GNAI1: variants seen among roughly 807,000 people sequenced by gnomAD.
GNAI1 encodes the protein guanine nucleotide-binding protein G(i) subunit alpha-1.
In GNAI1, 11 loss-of-function variants were observed where a neutral mutation model predicts 38.9. That is an observed-to-expected ratio of 0.28 (90% CI 0.18 to 0.47). The LOEUF is 0.47. Among genes scored for constraint, GNAI1 ranks in the 20% least tolerant of loss-of-function variants. The pLI is 0.99. For missense variants in GNAI1, 317 were observed against 436.9 expected (o/e 0.73, Z 2.45); for synonymous variants, 166 against 145.1 (o/e 1.14, Z -1.04).
intron 1 of GNAI1, among the ~76,000 whole-genome samples, chr7:80,154,181 C>T (rs1011033683): frequency 1.3e-4 from 20 of 152,168 alleles, no homozygotes; most frequent in Admixed American, 6.5e-5. Context: ...CCTTGGCCTT[C>T]CAAAGTGCTG....
chr7:80,210,192 T>A (rs1203672786), intron 5 of GNAI1, among the ~76,000 whole-genome samples: 1 of 152,206 alleles, frequency 6.6e-6, no homozygotes, highest in African/African-American at 2.4e-5. Flanking sequence ...TTTGCTTAAC[T>A]TTATAAAGTC....
At chr7:80,142,312 T>C (rs184344175) in intron 1 of GNAI1, among the ~76,000 whole-genome samples, 5 of 152,346 alleles carry the variant, frequency 3.3e-5, no homozygotes, top group Non-Finnish European at 5.9e-5. Flanking sequence ...TTTATGTGAC[T>C]ATCATGGTAA....
intron 3 of GNAI1, among the ~76,000 whole-genome samples, chr7:80,194,584 AT>A (rs1469723657): frequency 1.3e-5 from 2 of 152,098 alleles, no homozygotes; most frequent in Non-Finnish European, 2.9e-5. Flanking sequence ...GAATTTTAAC[AT>A]TTGTTTCTGT....
At chr7:80,153,663 C>G (rs1463464983) in intron 1 of GNAI1, among the ~76,000 whole-genome samples, 1 of 152,068 alleles carries the variant, frequency 6.6e-6, no homozygotes, top group Admixed American at 6.6e-5. Flanking sequence ...CCCTAAAATA[C>G]TTTTTTCCTG....
At chr7:80,151,346 T>A (rs745793647) in intron 1 of GNAI1, among the ~76,000 whole-genome samples, 1 of 151,898 alleles carries the variant, frequency 6.6e-6, no homozygotes, top group African/African-American at 2.4e-5. Flanking sequence ...TACAAAACTA[T>A]GAAAACATAT....
intron 1 of GNAI1, among the ~76,000 whole-genome samples, chr7:80,173,098 CA>C (rs1788124179): frequency 6.6e-6 from 1 of 152,050 alleles, no homozygotes; most frequent in African/African-American, 2.4e-5. Context: ...GTACTGGTAC[CA>C]CTTCTGGATT....
intron 1 of GNAI1, among the ~76,000 whole-genome samples, chr7:80,153,383 T>G (rs912278583): frequency 2.0e-5 from 3 of 152,198 alleles, no homozygotes; most frequent in Admixed American, 2.0e-4. Flanking sequence ...CTAATAACTT[T>G]TAAAGTATGT....
chr7:80,179,234 T>G (rs1186318801), intron 1 of GNAI1, among the ~76,000 whole-genome samples: 1 of 152,204 alleles, frequency 6.6e-6, no homozygotes, highest in East Asian at 1.9e-4. Flanking sequence ...TTTTTCTTCT[T>G]TTTCTTCTTA....
intron 5 of GNAI1, among the ~76,000 whole-genome samples, chr7:80,207,079 A>G (rs1031255423): frequency 6.6e-6 from 1 of 152,090 alleles, no homozygotes; most frequent in Non-Finnish European, 1.5e-5. Flanking sequence ...GGTTCCCCTA[A>G]TAAGTAGTTG....
intron 1 of GNAI1, among the ~76,000 whole-genome samples, chr7:80,156,116 C>T (rs905953479): frequency 5.9e-5 from 9 of 151,510 alleles, no homozygotes; most frequent in African/African-American, 1.9e-4. Flanking sequence ...CTCTCTTCCT[C>T]GTGAAATTCA....
intron 1 of GNAI1, among the ~76,000 whole-genome samples, chr7:80,151,016 C>A (rs1287939818): frequency 6.6e-6 from 1 of 152,178 alleles, no homozygotes; most frequent in Non-Finnish European, 1.5e-5. Context: ...TGTTTATTTA[C>A]AGAATATTGT....
rs188567984 is a variant in GNAI1, at chr7:80,164,078, C to T, written c.119-24873C>T. Among the ~76,000 whole-genome samples the T allele has an allele frequency of 5.3e-3, 646 of 121,886 alleles. 6 individuals carry two copies. The highest frequency in any genetic ancestry group is 0.019 in the African/African-American group (618 of 32,074). 80.0% of individuals were successfully genotyped at this position (121,886 alleles called of 152,430 possible). ...TTTTTTTTGTGGGGACTGAGTCTCT[C>T]TCTGTCACCAGGCTGGAGTGCAGTG... On this transcript the variant is annotated intron_variant, in intron 1 of 7. Transcript: ENST00000649796.
At chr7:80,151,949 C>T (rs1231364972) in intron 1 of GNAI1, among the ~76,000 whole-genome samples, 2 of 152,186 alleles carry the variant, frequency 1.3e-5, no homozygotes, top group Non-Finnish European at 2.9e-5. Context: ...GTACATGGCC[C>T]TTCAGCTATT....
At chr7:80,157,179 T>C (rs1787834208) in intron 1 of GNAI1, among the ~76,000 whole-genome samples, 2 of 152,214 alleles carry the variant, frequency 1.3e-5, no homozygotes, top group Admixed American at 6.5e-5. Flanking sequence ...GTTTTTTCTT[T>C]TCCAGAATGT....
chr7:80,193,109 G>A (rs909232775), intron 3 of GNAI1, among the ~76,000 whole-genome samples: 1 of 151,968 alleles, frequency 6.6e-6, no homozygotes, highest in African/African-American at 2.4e-5. Flanking sequence ...GTTGGCACCT[G>A]GTAGAGTAAG....
Position 80,221,951 on chromosome 7 carries a change from T to C in GNAI1, c.*4458T>C, listed in dbSNP as rs1364051577. 6.6e-6 allele frequency among the ~76,000 whole-genome samples: 1 copy of C among 152,122 alleles called. No individual in the cohort carries two copies. The highest frequency in any genetic ancestry group is 2.4e-5 in the African/African-American group (1 of 41,440). Reference sequence around the variant, plus strand: ...CACTGCGCCCAGCCAGTTTTCTTTTTTAGTTCTTTTCAAAACCCTTTCTTA... The same window carrying C: ...CACTGCGCCCAGCCAGTTTTCTTTTCTAGTTCTTTTCAAAACCCTTTCTTA... On this transcript the variant is annotated 3_prime_UTR_variant, in exon 8 of 8. Transcript: ENST00000649796.
chr7:80,142,317 T>C (rs1787541160), intron 1 of GNAI1, among the ~76,000 whole-genome samples: 2 of 152,222 alleles, frequency 1.3e-5, no homozygotes, highest in East Asian at 1.9e-4. Context: ...GTGACTATCA[T>C]GGTAACACTA....
intron 1 of GNAI1, among the ~76,000 whole-genome samples, chr7:80,177,314 G>C (rs1328088562): frequency 6.6e-6 from 1 of 152,094 alleles, no homozygotes; most frequent in Non-Finnish European, 1.5e-5. Context: ...ACAGGCATGA[G>C]CCACCGCGCC....
intron 3 of GNAI1, among the ~76,000 whole-genome samples, chr7:80,197,983 TTG>T (rs1266123634): frequency 1.6e-4 from 25 of 152,068 alleles, no homozygotes; most frequent in Non-Finnish European, 3.2e-4. Flanking sequence ...AAATTAGGAA[TTG>T]TCCACCCAGT....
Sources: allele counts gnomAD v4.1 joint callset (sites outside exome capture counted in the v4.1 genomes callset), GRCh38; gene constraint gnomAD v4.1.1; transcripts MANE v1.5; gene names NCBI Gene and HGNC (gene_info 2026-07-23, HGNC 2026-07-21).